Variants in CACNB2 observed in about 807,000 individuals in gnomAD.
The protein encoded by CACNB2 is voltage-dependent L-type calcium channel subunit beta-2.
In CACNB2, 42 loss-of-function variants were observed where a neutral mutation model predicts 73.3. The observed-to-expected ratio is 0.57, with a 90% CI of 0.45 to 0.74. The LOEUF (loss-of-function observed/expected upper bound fraction) is 0.74, where lower values mean the gene tolerates loss of function less well. Ranked by LOEUF, CACNB2 falls within the 30% of genes least tolerant of loss-of-function variation. CACNB2 has a pLI of 0.00. For missense variants in CACNB2, 940 were observed against 853.0 expected (o/e 1.10, Z -1.27); for synonymous variants, 348 against 310.3 (o/e 1.12, Z -1.28).
chr10:18,494,159 C>G (rs772313594), intron 3 of CACNB2, among the ~76,000 whole-genome samples: 4 of 152,262 alleles, frequency 2.6e-5, no homozygotes, highest in East Asian at 3.9e-4. Flanking sequence ...ACTTTAATTT[C>G]TTTTTCCTTT....
intron 2 of CACNB2, chr10:18,400,938 A>C: frequency 6.3e-7 from 1 of 1,596,024 alleles, no homozygotes; most frequent in Non-Finnish European, 8.5e-7. Context: ...CAGAGCATGG[A>C]TAGGAAAGGA....
At chr10:18,203,473 A>T (rs1364224839) in intron 2 of CACNB2, among the ~76,000 whole-genome samples, 4 of 152,210 alleles carry the variant, frequency 2.6e-5, no homozygotes, top group Admixed American at 6.5e-5. Context: ...AGCTTTCCTT[A>T]TAAAGGTAGC....
At chr10:18,529,835 T>C (rs527396252) in intron 10 of CACNB2, among the ~76,000 whole-genome samples, 17 of 152,298 alleles carry the variant, frequency 1.1e-4, no homozygotes, top group Non-Finnish European at 1.8e-4. Flanking sequence ...TAAAACTCTT[T>C]CCACACATCA....
intron 3 of CACNB2, among the ~76,000 whole-genome samples, chr10:18,478,681 C>T (rs562404859): frequency 5.9e-5 from 9 of 152,136 alleles, no homozygotes; most frequent in African/African-American, 2.2e-4. Flanking sequence ...TATACAGCAT[C>T]CTGGCCAAAC....
At chr10:18,479,517 T>C (rs2048612205) in intron 3 of CACNB2, among the ~76,000 whole-genome samples, 1 of 152,204 alleles carries the variant, frequency 6.6e-6, no homozygotes, top group Non-Finnish European at 1.5e-5. Flanking sequence ...AGATAGTACA[T>C]GATATGGTTT....
At chr10:18,432,359 A>C (rs2045928043) in intron 3 of CACNB2, among the ~76,000 whole-genome samples, 1 of 151,960 alleles carries the variant, frequency 6.6e-6, no homozygotes, top group African/African-American at 2.4e-5. Flanking sequence ...ATCTGCTCAT[A>C]ATCTTGGTTG....
intron 2 of CACNB2, among the ~76,000 whole-genome samples, chr10:18,354,378 C>T (rs1214010515): frequency 2.6e-5 from 4 of 152,086 alleles, no homozygotes; most frequent in Non-Finnish European, 5.9e-5. Context: ...CACCACCCAA[C>T]TCTCCACCCT....
chr10:18,174,240 C>T (rs1200422589), intron 2 of CACNB2, among the ~76,000 whole-genome samples: 1 of 121,286 alleles, frequency 8.2e-6, no homozygotes, highest in Non-Finnish European at 1.7e-5. Flanking sequence ...CCCCTTCCTT[C>T]TCCCCTCCCC....
intron 3 of CACNB2, among the ~76,000 whole-genome samples, chr10:18,481,250 T>A (rs2048755124): frequency 2.1e-5 from 2 of 93,588 alleles, no homozygotes; most frequent in Admixed American, 2.2e-4. Context: ...TTTTTTTTTT[T>A]TTTTTTTTTT....
At chr10:18,229,358 G>A (rs978136555) in intron 2 of CACNB2, among the ~76,000 whole-genome samples, 2 of 152,122 alleles carry the variant, frequency 1.3e-5, no homozygotes, top group African/African-American at 4.8e-5. Flanking sequence ...TTGTATTTCT[G>A]CTTGGGAAAA....
intron 2 of CACNB2, among the ~76,000 whole-genome samples, chr10:18,315,231 G>A (rs2040116501): frequency 6.6e-6 from 1 of 152,052 alleles, no homozygotes; most frequent in South Asian, 2.1e-4. Context: ...CTACTTGGGA[G>A]GCTGAAACAG....
Position 18,514,360 on chromosome 10 carries a change from C to A in CACNB2, c.795C>A (p.Phe265Leu). The A allele has an allele frequency of 6.2e-7, 1 of 1,614,142 alleles. No homozygotes were observed. Among genetic ancestry groups the A allele is most frequent in the Non-Finnish European group, 8.5e-7 (1 of 1,180,008 alleles). ...SPHSKEKRMPFFKKTEHTPPY... is the reference protein window; with the variant it reads ...SPHSKEKRMPLFKKTEHTPPY... The stretch of plus-strand genomic sequence containing the variant: ...ACTCCAAAGAGAAAAGAATGCCCTT[C>A]TTTAAGAAGGTAACATTAACTTCCA... The change falls in exon 7 of 14, where the codon TTC (phenylalanine) becomes TTA (leucine). Residue 265 changes from phenylalanine to leucine, a missense_variant. Phe to Leu is a conservative substitution (Grantham distance 22). Transcript: ENST00000324631.
In CACNB2 at chr10:18,442,956, A is replaced by G. The variant is rs1480180677; in HGVS notation, c.333+40913A>G. ...TATATATATATGTGTATATATATAT[A>G]TGTATATATATATGTGTATATATAT... is the stretch of plus-strand genomic sequence containing the variant. On this transcript the variant is annotated intron_variant, in intron 3 of 13. Transcript: ENST00000324631. Among the ~76,000 whole-genome samples the G allele has an allele frequency of 5.4e-3, 104 of 19,310 alleles. 10 individuals are homozygous for G. Among genetic ancestry groups the G allele is most frequent in the Non-Finnish European group, 7.5e-3 (97 of 12,968 alleles). 12.7% of individuals were successfully genotyped at this position (19,310 alleles called of 152,430 possible).
chr10:18,439,454 C>T (rs1357932842), intron 3 of CACNB2, among the ~76,000 whole-genome samples: 1 of 152,152 alleles, frequency 6.6e-6, no homozygotes, highest in Non-Finnish European at 1.5e-5. Context: ...TGTAGATTCT[C>T]AGCCACCTTC....
At chr10:18,297,842 A>C (rs1292370182) in intron 2 of CACNB2, among the ~76,000 whole-genome samples, 2 of 152,182 alleles carry the variant, frequency 1.3e-5, no homozygotes, top group Admixed American at 6.5e-5. Flanking sequence ...CCTCCACAGA[A>C]GTGCTTCACC....
intron 2 of CACNB2, among the ~76,000 whole-genome samples, chr10:18,361,892 C>T (rs973179134): frequency 3.3e-5 from 5 of 152,282 alleles, no homozygotes; most frequent in Middle Eastern, 3.4e-3. Context: ...GGATTACAGG[C>T]GTGAGCCACC....
intron 10 of CACNB2, among the ~76,000 whole-genome samples, chr10:18,533,800 T>C (rs914468524): frequency 6.6e-6 from 1 of 152,222 alleles, no homozygotes; most frequent in African/African-American, 2.4e-5. Context: ...GCACAAAGAA[T>C]GTCAGCAGAG....
intron 2 of CACNB2, among the ~76,000 whole-genome samples, chr10:18,349,911 G>T (rs1037483656): frequency 1.3e-5 from 2 of 152,082 alleles, no homozygotes; most frequent in African/African-American, 4.8e-5. Flanking sequence ...CACGTATGTT[G>T]CATGAGGCCA....
chr10:18,232,725 A>C (rs2036268415), intron 2 of CACNB2, among the ~76,000 whole-genome samples: 1 of 152,194 alleles, frequency 6.6e-6, no homozygotes. Flanking sequence ...ATTTTTGGAA[A>C]CAGTTTTTTA....
Sources: gnomAD v4.1 joint callset for allele counts (sites outside exome capture counted in the v4.1 genomes callset) on GRCh38, gnomAD v4.1.1 for gene constraint, MANE v1.5 for transcripts, NCBI Gene and HGNC (gene_info 2026-07-23, HGNC 2026-07-21) for gene names.